TMEM117: variants seen among roughly 807,000 people sequenced by gnomAD.
The protein encoded by TMEM117 is transmembrane protein 117.
TMEM117 carries 27 observed loss-of-function variants against 52.4 expected under a neutral mutation model. The observed-to-expected ratio is 0.51, with a 90% CI of 0.38 to 0.71. The LOEUF is 0.71. Ranked by LOEUF, TMEM117 falls within the 30% of genes least tolerant of loss-of-function variation. The pLI is 0.00. For missense variants in TMEM117, 556 were observed against 630.5 expected (o/e 0.88, Z 1.26); for synonymous variants, 215 against 206.3 (o/e 1.04, Z -0.36).
At chr12:43,974,169 AT>A (rs1359766615) in intron 3 of TMEM117, among the ~76,000 whole-genome samples, 1 of 152,112 alleles carries the variant, frequency 6.6e-6, no homozygotes, top group Non-Finnish European at 1.5e-5. Context: ...TTCTGGAAAG[AT>A]TTATTTGTTT....
chr12:44,181,951 G>A (rs1453927307), intron 4 of TMEM117, among the ~76,000 whole-genome samples: 1 of 152,046 alleles, frequency 6.6e-6, no homozygotes, highest in Non-Finnish European at 1.5e-5. Context: ...GGGCAGTATG[G>A]CCATTTTCAT....
Position 44,356,078 on chromosome 12 carries a change from A to G in TMEM117, c.769-20517A>G, listed in dbSNP as rs1000670732. 4.6e-5 allele frequency among the ~76,000 whole-genome samples: 7 copies of G among 152,150 alleles called. No individual in the cohort carries two copies. The East Asian group carries it at 1.3e-3, about 29-fold the overall frequency. Reference sequence around the variant, plus strand: ...AAAGAGAGAACTGGGTTTATGTGCAATTGTGAGACCCATTGGTCACTTCTC... The same window carrying G: ...AAAGAGAGAACTGGGTTTATGTGCAGTTGTGAGACCCATTGGTCACTTCTC... On this transcript the variant is annotated intron_variant, in intron 6 of 7. Transcript: ENST00000266534.
At chr12:43,943,441 G>T (rs1032361626) in intron 2 of TMEM117, among the ~76,000 whole-genome samples, 1 of 151,932 alleles carries the variant, frequency 6.6e-6, no homozygotes, top group Non-Finnish European at 1.5e-5. Flanking sequence ...TTCTCTGATC[G>T]AATTCTGATA....
chr12:44,295,433 T>C, intron 5 of TMEM117, among the ~76,000 whole-genome samples: 1 of 152,168 alleles, frequency 6.6e-6, no homozygotes. Context: ...GGTCTCGAAC[T>C]CCTGACCTCA....
chr12:44,357,004 T>G (rs1176058437), intron 6 of TMEM117, among the ~76,000 whole-genome samples: 3 of 152,164 alleles, frequency 2.0e-5, no homozygotes, highest in African/African-American at 7.2e-5. Context: ...CTTCACACAC[T>G]GGCTCCTTCA....
At chr12:44,037,247 A>G (rs1253924771) in intron 3 of TMEM117, among the ~76,000 whole-genome samples, 6 of 152,158 alleles carry the variant, frequency 3.9e-5, no homozygotes. Flanking sequence ...AGCTATAGCC[A>G]TCCAGCCACA....
At chr12:43,836,293 C>A (rs988920711) in intron 1 of TMEM117, 97 bp downstream of exon 1, 4 of 152,322 alleles carry the variant, frequency 2.6e-5, no homozygotes, top group African/African-American at 9.6e-5. Flanking sequence ...TCCCGGCTGC[C>A]ACCTCGTCAC....
At chr12:44,377,053 A>G (rs915320422) in intron 7 of TMEM117, among the ~76,000 whole-genome samples, 4 of 152,178 alleles carry the variant, frequency 2.6e-5, no homozygotes, top group South Asian at 2.1e-4. Flanking sequence ...CTCATGTTCC[A>G]TTGATGATAA....
At chr12:44,138,128 A>T (rs1948518703) in intron 3 of TMEM117, among the ~76,000 whole-genome samples, 1 of 152,122 alleles carries the variant, frequency 6.6e-6, no homozygotes, top group Non-Finnish European at 1.5e-5. Flanking sequence ...TTGCAAGCTT[A>T]ATCTTTTCTG....
chr12:44,152,620 A>G (rs1253091146), intron 4 of TMEM117, among the ~76,000 whole-genome samples: 13 of 126,948 alleles, frequency 1.0e-4, no homozygotes, highest in Non-Finnish European at 1.9e-4. Flanking sequence ...TATATACATA[A>G]TATTTATATC....
chr12:44,322,390 A>AC (rs1249009010), intron 6 of TMEM117, among the ~76,000 whole-genome samples: 2 of 152,070 alleles, frequency 1.3e-5, no homozygotes, highest in Non-Finnish European at 2.9e-5. Flanking sequence ...GTGTTTATAC[A>AC]CCCTCTCTGT....
chr12:44,191,971 T>C (rs567910259), intron 4 of TMEM117, among the ~76,000 whole-genome samples: 3 of 152,148 alleles, frequency 2.0e-5, no homozygotes, highest in South Asian at 4.1e-4. Context: ...ATGTAAAAGG[T>C]CAAGGGATAC....
At chr12:43,819,741 A>C in the TMEM117 span, among the ~76,000 whole-genome samples, 1 of 151,896 alleles carries the variant, frequency 6.6e-6, no homozygotes, top group Non-Finnish European at 1.5e-5. Context: ...GCGCCACTGC[A>C]CTCCAGCCTG....
intron 4 of TMEM117, among the ~76,000 whole-genome samples, chr12:44,209,415 C>A (rs1461775192): frequency 3.9e-5 from 6 of 151,936 alleles, no homozygotes; most frequent in African/African-American, 1.5e-4. Context: ...TTAAAAGGAT[C>A]AAGAAGAAAA....
At chr12:44,376,346 GTAT>G in intron 6 of TMEM117, 11 of 522,610 alleles carry the variant, frequency 2.1e-5, no homozygotes, top group Admixed American at 9.7e-5. Flanking sequence ...AATCAATTCT[GTAT>G]TGGTTTCTTA....
rs147401113 is a variant in TMEM117, at chr12:43,955,882, C to G, written c.410+11540C>G. Among the ~76,000 whole-genome samples the G allele has an allele frequency of 1.4e-3, 220 of 152,228 alleles. 1 individual carries two copies. The highest frequency in any genetic ancestry group is 1.8e-3 in the Non-Finnish European group (125 of 68,006). On this transcript the variant is annotated intron_variant, in intron 3 of 7. Transcript: ENST00000266534. ...AAGCTGGAGGTATCATGCTATGATG[C>G]CTTTAAACTTACTACAACACCACAG...
chr12:43,921,562 C>T (rs1944694667), intron 2 of TMEM117, among the ~76,000 whole-genome samples: 1 of 152,150 alleles, frequency 6.6e-6, no homozygotes, highest in African/African-American at 2.4e-5. Flanking sequence ...TGTGAAAGAC[C>T]TTTGCAAAGA....
chr12:44,057,746 C>G (rs893239453), intron 3 of TMEM117, among the ~76,000 whole-genome samples: 7 of 152,098 alleles, frequency 4.6e-5, no homozygotes, highest in African/African-American at 1.7e-4. Context: ...TGTTCTGCCA[C>G]ATTGATAAGT....
Position 43,844,007 on chromosome 12 carries a change from C to T in TMEM117, c.-28-617C>T, listed in dbSNP as rs564838032. Among the ~76,000 whole-genome samples, 104 of 152,302 alleles carry T rather than the reference C, an allele frequency of 6.8e-4. 1 individual carries two copies. The South Asian group carries it at 7.3e-3, about 11-fold the overall frequency. On this transcript the variant is annotated intron_variant, in intron 1 of 7. Coordinates refer to ENST00000266534, the MANE Select transcript of TMEM117 (RefSeq NM_032256.3). The stretch of plus-strand genomic sequence containing the variant: ...TGTTTAACTTTTGTTAATATATGCT[C>T]ATTTTACCTCTATATTGTTTTGATT...
Sources: gnomAD v4.1 joint callset for allele counts (sites outside exome capture counted in the v4.1 genomes callset) on GRCh38, gnomAD v4.1.1 for gene constraint, MANE v1.5 for transcripts, NCBI Gene and HGNC (gene_info 2026-07-23, HGNC 2026-07-21) for gene names.